The following MCTP1 variants were observed in gnomAD, a reference collection of about 807,000 sequenced individuals.
MCTP1 encodes multiple C2 and transmembrane domain-containing protein 1.
A neutral mutation model predicts 120.6 loss-of-function variants in MCTP1; 69 were observed. The ratio of observed to expected loss-of-function variants is 0.57; its 90% CI spans 0.47 to 0.70. The LOEUF is 0.70. Among genes scored for constraint, MCTP1 ranks in the 30% least tolerant of loss-of-function variants. The probability of loss-of-function intolerance (pLI) is 0.00; values close to 1 mark genes in which losing one functional copy is unlikely to be tolerated. For missense variants in MCTP1, 1,203 were observed against 1,248.8 expected, an observed-to-expected ratio of 0.96 and a Z score of 0.55; for synonymous variants, 529 against 493.1, an observed-to-expected ratio of 1.07 and a Z score of -0.96.
chr5:94,789,386 T>C (rs1245729067), intron 18 of MCTP1: 1 of 152,236 alleles, frequency 6.6e-6, no homozygotes, highest in African/African-American at 2.4e-5. Context: ...TAGAAGTGTT[T>C]CCTTTACATC....
chr5:94,921,028 A>G (rs962205771), intron 7 of MCTP1, among the ~76,000 whole-genome samples: 10 of 152,168 alleles, frequency 6.6e-5, no homozygotes, highest in African/African-American at 2.4e-4. Flanking sequence ...ATGTTCTTGT[A>G]AGGTGGTTTG....
intron 2 of MCTP1, among the ~76,000 whole-genome samples, chr5:95,004,228 C>T (rs897347773): frequency 2.6e-5 from 4 of 152,154 alleles, no homozygotes; most frequent in Non-Finnish European, 4.4e-5. Flanking sequence ...AAGATGTGGC[C>T]TGGCTGCTTC....
intron 1 of MCTP1, among the ~76,000 whole-genome samples, chr5:95,196,024 C>G (rs1471460703): frequency 1.3e-5 from 2 of 152,048 alleles, no homozygotes; most frequent in Non-Finnish European, 2.9e-5. Flanking sequence ...TACACTGGGC[C>G]AAATAGGAGA....
intron 1 of MCTP1, among the ~76,000 whole-genome samples, chr5:95,168,607 G>A (rs1746768383): frequency 6.6e-6 from 1 of 152,100 alleles, no homozygotes; most frequent in Non-Finnish European, 1.5e-5. Flanking sequence ...CCTTGAAGAG[G>A]TCCTTCACAT....
intron 1 of MCTP1, among the ~76,000 whole-genome samples, chr5:95,267,919 C>A (rs1305339033): frequency 6.6e-6 from 1 of 152,242 alleles, no homozygotes; most frequent in Non-Finnish European, 1.5e-5. Context: ...TGCTGTGGTT[C>A]CTTCTGCCCA....
intron 1 of MCTP1, among the ~76,000 whole-genome samples, chr5:95,282,035 G>A (rs1760365845): frequency 6.6e-6 from 1 of 152,222 alleles, no homozygotes; most frequent in Admixed American, 6.5e-5. Context: ...ACCTATGTGA[G>A]CATTGGTTTA....
chr5:94,866,525 C>A (rs1581105781), intron 17 of MCTP1, among the ~76,000 whole-genome samples: 1 of 147,416 alleles, frequency 6.8e-6, no homozygotes, highest in Non-Finnish European at 1.5e-5. Flanking sequence ...CCCTTCCCAC[C>A]TTTACTATGC....
At position 95,221,532 on chromosome 5, in the gene MCTP1, T is replaced by C. The variant is rs569404714; in HGVS notation, c.720+62324A>G. Reference sequence around the variant, plus strand: ...GGCACATGAGATATGTGGTTATAAATACAGTCTGTAATGGTAGTGACAGAA... The same window carrying C: ...GGCACATGAGATATGTGGTTATAAACACAGTCTGTAATGGTAGTGACAGAA... On this transcript the variant is annotated intron_variant, in intron 1 of 22. Coordinates refer to ENST00000515393, the MANE Select transcript of MCTP1 (RefSeq NM_024717.7). Among the ~76,000 whole-genome samples, 5 of 152,300 alleles carry C rather than the reference T, an allele frequency of 3.3e-5. No homozygotes were observed. The East Asian group carries it at 7.7e-4, about 23-fold the overall frequency.
intron 4 of MCTP1, 56 bp downstream of exon 4, chr5:94,942,292 T>C (rs1208629129): frequency 1.5e-6 from 2 of 1,317,860 alleles, no homozygotes; most frequent in Middle Eastern, 1.8e-4. Context: ...CATTTTCTGT[T>C]ACACAAGCCC....
intron 19 of MCTP1, among the ~76,000 whole-genome samples, chr5:94,749,357 T>C (rs1006410765): frequency 6.6e-5 from 10 of 152,034 alleles, no homozygotes; most frequent in Non-Finnish European, 1.5e-4. Context: ...GAAAGAAATA[T>C]TTAAAACATC....
chr5:94,868,309 G>A, intron 17 of MCTP1, 24 bp downstream of exon 17: 1 of 1,545,760 alleles, frequency 6.5e-7, no homozygotes, highest in African/African-American at 1.4e-5. Context: ...GAATAACAAT[G>A]TAAGTAATAC....
At chr5:94,835,855 T>C (rs1580945552) in intron 17 of MCTP1, among the ~76,000 whole-genome samples, 1 of 151,826 alleles carries the variant, frequency 6.6e-6, no homozygotes, top group Non-Finnish European at 1.5e-5. Context: ...ATACAAAAAA[T>C]TAGCCGGGTG....
intron 2 of MCTP1, among the ~76,000 whole-genome samples, chr5:94,961,096 A>C (rs1405106665): frequency 6.6e-6 from 1 of 152,234 alleles, no homozygotes; most frequent in Non-Finnish European, 1.5e-5. Context: ...GCAGTCATAA[A>C]AAAGAATGAG....
chr5:95,017,549 G>A, intron 1 of MCTP1, 65 bp from the exon 2 acceptor site: 1 of 1,026,138 alleles, frequency 9.7e-7, no homozygotes, highest in Non-Finnish European at 1.4e-6. Flanking sequence ...TCTAAAGGGG[G>A]ACCATATATA....
At chr5:95,096,574 G>A (rs1048450273) in intron 1 of MCTP1, among the ~76,000 whole-genome samples, 1 of 152,124 alleles carries the variant, frequency 6.6e-6, no homozygotes. Context: ...GCAAAGAGTC[G>A]CTTCAAAATT....
intron 12 of MCTP1, among the ~76,000 whole-genome samples, chr5:94,875,685 T>C (rs1452216363): frequency 6.6e-6 from 1 of 151,860 alleles, no homozygotes; most frequent in Non-Finnish European, 1.5e-5. Flanking sequence ...TTTAATCACC[T>C]AATATACCCT....
chr5:94,793,955 G>T (rs1212686002), intron 18 of MCTP1, among the ~76,000 whole-genome samples: 1 of 152,198 alleles, frequency 6.6e-6, no homozygotes, highest in Non-Finnish European at 1.5e-5. Context: ...CCTAATGGGA[G>T]ACAATATTCA....
At chr5:95,104,247 T>A (rs182592335) in intron 1 of MCTP1, among the ~76,000 whole-genome samples, 1 of 152,314 alleles carries the variant, frequency 6.6e-6, no homozygotes. Flanking sequence ...TTAAAATAGC[T>A]GTCTAAACGC....
At chr5:94,885,503 T>C (rs1054039516) in intron 12 of MCTP1, among the ~76,000 whole-genome samples, 3 of 152,136 alleles carry the variant, frequency 2.0e-5, no homozygotes, top group African/African-American at 7.2e-5. Context: ...AATTAGGCCC[T>C]GCTCAAGGGA....
Sources: allele counts gnomAD v4.1 joint callset (sites outside exome capture counted in the v4.1 genomes callset), GRCh38; gene constraint gnomAD v4.1.1; transcripts MANE v1.5; gene names NCBI Gene and HGNC (gene_info 2026-07-23, HGNC 2026-07-21).